Variants in BACH2 observed in about 807,000 individuals in gnomAD.
BACH2 encodes the protein BACH transcriptional regulator 2, also known as transcription regulator protein BACH2.
BACH2 carries 5 observed loss-of-function variants against 61.8 expected under a neutral mutation model. The ratio of observed to expected loss-of-function variants is 0.08; its 90% CI spans 0.04 to 0.17. The LOEUF (loss-of-function observed/expected upper bound fraction) is 0.17, where lower values mean the gene tolerates loss of function less well. Among genes scored for constraint, BACH2 ranks in the 10% least tolerant of loss-of-function variants. The pLI is 1.00. For synonymous variants in BACH2, 446 were observed against 440.1 expected (o/e 1.01, Z -0.17); for missense variants, 824 against 1,091.1 (o/e 0.76, Z 3.45).
At chr6:90,165,251 G>A (rs1767567939) in intron 4 of BACH2, among the ~76,000 whole-genome samples, 1 of 152,108 alleles carries the variant, frequency 6.6e-6, no homozygotes, top group South Asian at 2.1e-4. Flanking sequence ...AAAATCACAA[G>A]CATTCTTATA....
chr6:89,949,970 G>T (rs1584518042), intron 7 of BACH2: 3 of 442,442 alleles, frequency 6.8e-6, no homozygotes, highest in Non-Finnish European at 1.3e-5. Flanking sequence ...AAAGAGGGGG[G>T]TCTGGAGTGC....
chr6:90,161,187 T>C (rs1221577740), intron 4 of BACH2, among the ~76,000 whole-genome samples: 1 of 151,360 alleles, frequency 6.6e-6, no homozygotes, highest in Non-Finnish European at 1.5e-5. Flanking sequence ...AAAAAAGATA[T>C]ACTTTTAGGC....
chr6:90,087,412 T>C (rs1438385310), intron 5 of BACH2, among the ~76,000 whole-genome samples: 2 of 152,196 alleles, frequency 1.3e-5, no homozygotes, highest in East Asian at 3.8e-4. Context: ...GAAAAAATGC[T>C]GTTTCAAATT....
At chr6:90,295,874 T>C (rs572047007) in intron 1 of BACH2, among the ~76,000 whole-genome samples, 2 of 152,220 alleles carry the variant, frequency 1.3e-5, no homozygotes, top group African/African-American at 4.8e-5. Flanking sequence ...AAACTTGGGC[T>C]TTGATTCCCC....
At chr6:89,945,645 T>C (rs570675381) in intron 7 of BACH2, among the ~76,000 whole-genome samples, 10 of 152,308 alleles carry the variant, frequency 6.6e-5, no homozygotes, top group East Asian at 3.9e-4. Context: ...TTGTACAACA[T>C]TGTGGATATA....
rs77758469 is a variant in BACH2, at chr6:90,036,094, G to A, written c.-12-27238C>T. On this transcript the variant is annotated intron_variant, in intron 5 of 8. Coordinates refer to ENST00000257749, the MANE Select transcript of BACH2 (RefSeq NM_021813.4). Reference sequence around the variant, plus strand: ...TGTAGCTCTTCATGTATTTCCTTAAGTGAAAATAAAATGGGTTTCCTTTGA... The same window carrying A: ...TGTAGCTCTTCATGTATTTCCTTAAATGAAAATAAAATGGGTTTCCTTTGA... Among the ~76,000 whole-genome samples, 796 of 151,908 alleles carry A rather than the reference G, an allele frequency of 5.2e-3. 51 individuals carry two copies. In the East Asian group the frequency reaches 0.14, roughly 26 times the overall value.
intron 4 of BACH2, among the ~76,000 whole-genome samples, chr6:90,195,503 T>C (rs1351853530): frequency 7.2e-5 from 11 of 152,174 alleles, no homozygotes; most frequent in Non-Finnish European, 1.6e-4. Flanking sequence ...GGTGTGGATC[T>C]AGTCTGTGAG....
chr6:89,938,593 G>T (rs1562308314), intron 7 of BACH2, among the ~76,000 whole-genome samples: 1 of 152,098 alleles, frequency 6.6e-6, no homozygotes, highest in Non-Finnish European at 1.5e-5. Context: ...TGAAGCAAAT[G>T]ACATGAACAA....
chr6:90,226,064 C>A (rs772852813), intron 3 of BACH2, among the ~76,000 whole-genome samples: 1 of 152,180 alleles, frequency 6.6e-6, no homozygotes, highest in East Asian at 1.9e-4. Flanking sequence ...TTGAGAACCA[C>A]TGCCCTACAG....
chr6:90,035,402 G>T (rs1348061773), intron 5 of BACH2, among the ~76,000 whole-genome samples: 1 of 152,094 alleles, frequency 6.6e-6, no homozygotes. Flanking sequence ...TAAACATACA[G>T]TTCCACAGAT....
intron 4 of BACH2, among the ~76,000 whole-genome samples, chr6:90,096,234 T>G (rs976221060): frequency 4.6e-5 from 7 of 152,222 alleles, no homozygotes; most frequent in African/African-American, 1.7e-4. Flanking sequence ...CCCTTGACTA[T>G]GCAAAGCCCT....
chr6:90,178,462 G>A (rs112609227), intron 4 of BACH2, among the ~76,000 whole-genome samples: 93 of 152,260 alleles, frequency 6.1e-4, no homozygotes, highest in African/African-American at 8.9e-4. Flanking sequence ...TTTCTGGGGC[G>A]TGTCTACTAG....
At chr6:89,993,489 AC>A (rs1273074220) in intron 6 of BACH2, among the ~76,000 whole-genome samples, 2 of 152,080 alleles carry the variant, frequency 1.3e-5, no homozygotes, top group South Asian at 4.2e-4. Flanking sequence ...AGCAAGGAAA[AC>A]CCTGGCAATC....
chr6:90,279,582 T>C (rs1771796616), intron 1 of BACH2, among the ~76,000 whole-genome samples: 1 of 151,254 alleles, frequency 6.6e-6, no homozygotes, highest in African/African-American at 2.4e-5. Flanking sequence ...CTGTCATACA[T>C]TATCTCATCT....
Position 90,211,902 on chromosome 6 carries a change from T to C in BACH2, c.-274-5221A>G, listed in dbSNP as rs1415779299. ...TGAGGCCAGTCTGTGGGATGGACTC[T>C]TGTTCCTACCCTTCCCACCACCACG... On this transcript the variant is annotated intron_variant, in intron 3 of 8. Transcript: ENST00000257749. 3.3e-5 allele frequency among the ~76,000 whole-genome samples: 5 copies of C among 152,202 alleles called. No homozygotes were observed. In the South Asian group the frequency reaches 6.2e-4, roughly 19 times the overall value.
chr6:90,081,881 G>GT (rs903316756), intron 5 of BACH2, among the ~76,000 whole-genome samples: 89 of 152,162 alleles, frequency 5.8e-4, no homozygotes, highest in African/African-American at 1.9e-3. Context: ...CCTTGGCCAA[G>GT]TGTTAGGATT....
At chr6:89,979,794 A>C (rs749105687) in intron 6 of BACH2, among the ~76,000 whole-genome samples, 1 of 152,234 alleles carries the variant, frequency 6.6e-6, no homozygotes, top group African/African-American at 2.4e-5. Context: ...GAAAAAATAC[A>C]TTCTGGGTTC....
chr6:89,956,322 T>G (rs1774425148), intron 6 of BACH2, among the ~76,000 whole-genome samples: 2 of 152,080 alleles, frequency 1.3e-5, no homozygotes, highest in Non-Finnish European at 2.9e-5. Context: ...AGGCAGAAAG[T>G]TAACCCTCCA....
At chr6:90,239,626 A>G (rs1052164234) in intron 3 of BACH2, among the ~76,000 whole-genome samples, 1 of 152,214 alleles carries the variant, frequency 6.6e-6, no homozygotes, top group Non-Finnish European at 1.5e-5. Context: ...TTATGTATAT[A>G]GCCATACATG....
Sources: gnomAD v4.1 joint callset for allele counts (sites outside exome capture counted in the v4.1 genomes callset) on GRCh38, gnomAD v4.1.1 for gene constraint, MANE v1.5 for transcripts, NCBI Gene and HGNC (gene_info 2026-07-23, HGNC 2026-07-21) for gene names.